The following WDPCP variants were observed in gnomAD, a reference collection of about 807,000 sequenced individuals.
The protein encoded by WDPCP is WD repeat-containing and planar cell polarity effector protein fritz homolog.
A neutral mutation model predicts 93.1 loss-of-function variants in WDPCP; 71 were observed. The observed-to-expected ratio is 0.76, with a 90% CI of 0.63 to 0.93. The LOEUF is 0.93. Among genes scored for constraint, WDPCP ranks in the 40% least tolerant of loss-of-function variants. The probability of loss-of-function intolerance (pLI) is 0.00; values close to 1 mark genes in which losing one functional copy is unlikely to be tolerated. For synonymous variants in WDPCP, 315 were observed against 315.0 expected, an observed-to-expected ratio of 1.00 and a Z score of 0.00; for missense variants, 844 against 887.4, an observed-to-expected ratio of 0.95 and a Z score of 0.62.
intron 9 of WDPCP, among the ~76,000 whole-genome samples, chr2:63,415,070 C>T (rs1412677556): frequency 6.6e-6 from 1 of 152,032 alleles, no homozygotes; most frequent in African/African-American, 2.4e-5. Context: ...TTAAAGATAC[C>T]ATAAAAGTTT....
chr2:63,713,226 A>AGTATGGAAT (rs1669288863), intron 2 of WDPCP, among the ~76,000 whole-genome samples: 1 of 152,206 alleles, frequency 6.6e-6, no homozygotes, highest in African/African-American at 2.4e-5. Flanking sequence ...TTTTAATTCC[A>AGTATGGAAT]TCACACACCT....
At chr2:63,413,254 A>G (rs1276353246) in intron 9 of WDPCP, among the ~76,000 whole-genome samples, 2 of 152,224 alleles carry the variant, frequency 1.3e-5, no homozygotes, top group Non-Finnish European at 2.9e-5. Flanking sequence ...CAAAGCATAC[A>G]AAAACATACA....
intron 13 of WDPCP, among the ~76,000 whole-genome samples, chr2:63,261,878 G>A (rs1210766307): frequency 1.3e-5 from 2 of 152,064 alleles, no homozygotes; most frequent in Non-Finnish European, 2.9e-5. Context: ...TCTCCCTAAG[G>A]AAATGATGGG....
chr2:63,226,076 A>T (rs190363657), intron 14 of WDPCP, among the ~76,000 whole-genome samples: 5 of 151,932 alleles, frequency 3.3e-5, no homozygotes, highest in Admixed American at 3.3e-4. Context: ...CTTGTTATCA[A>T]CTCATCTACC....
intron 1 of WDPCP, among the ~76,000 whole-genome samples, chr2:63,514,299 T>C (rs1702420794): frequency 6.6e-6 from 1 of 152,056 alleles, no homozygotes; most frequent in South Asian, 2.1e-4. Flanking sequence ...TCAGAACACA[T>C]TAGAAGATGG....
rs371721719 is a variant in WDPCP at position 63,145,132 on chromosome 2, G to T, written c.2190+7782C>A. ...AGCATCTATGGGTCTCTCATTCATG[G>T]ATACCAGTGCCTGTTCCAGTGGAGA... On this transcript the variant is annotated intron_variant, in intron 17 of 17. Transcript: ENST00000272321. Among the ~76,000 whole-genome samples the T allele has an allele frequency of 2.0e-4, 31 of 152,284 alleles. No homozygotes were observed. The East Asian group carries it at 3.3e-3, about 16-fold the overall frequency.
At chr2:63,298,648 T>A (rs554337057) in intron 13 of WDPCP, among the ~76,000 whole-genome samples, 1 of 152,306 alleles carries the variant, frequency 6.6e-6, no homozygotes, top group East Asian at 1.9e-4. Context: ...CAGCCACAGC[T>A]GTGAGGCCAC....
chr2:63,185,664 G>C (rs888169023), intron 14 of WDPCP, among the ~76,000 whole-genome samples: 1 of 152,216 alleles, frequency 6.6e-6, no homozygotes, highest in Non-Finnish European at 1.5e-5. Context: ...TGTGTTACCA[G>C]ATTTTGTCCT....
chr2:63,629,273 C>T (rs1223667785), intron 3 of WDPCP, among the ~76,000 whole-genome samples: 2 of 152,168 alleles, frequency 1.3e-5, no homozygotes, highest in Non-Finnish European at 2.9e-5. Context: ...ACTGTAACCC[C>T]ATCTTAGCTA....
chr2:63,218,369 A>G (rs749987163), intron 14 of WDPCP, among the ~76,000 whole-genome samples: 12 of 152,112 alleles, frequency 7.9e-5, no homozygotes, highest in Non-Finnish European at 1.5e-5. Context: ...TCAAACTAAT[A>G]TTTGTTTTCA....
At chr2:63,145,430 G>A (rs1317085168) in intron 17 of WDPCP, among the ~76,000 whole-genome samples, 1 of 152,174 alleles carries the variant, frequency 6.6e-6, no homozygotes, top group African/African-American at 2.4e-5. Flanking sequence ...AGGTCTTGCT[G>A]TGCCTGCTGT....
intron 1 of WDPCP, among the ~76,000 whole-genome samples, chr2:63,546,094 A>G (rs1192117760): frequency 2.0e-5 from 3 of 152,190 alleles, no homozygotes; most frequent in African/African-American, 7.2e-5. Flanking sequence ...ATTGTGGGAT[A>G]CTATATTCAC....
chr2:63,307,322 T>G (rs1350032571), intron 13 of WDPCP, among the ~76,000 whole-genome samples: 1 of 152,076 alleles, frequency 6.6e-6, no homozygotes, highest in Non-Finnish European at 1.5e-5. Flanking sequence ...CCAAAATAAT[T>G]TATAGACTCA....
intron 12 of WDPCP, among the ~76,000 whole-genome samples, chr2:63,333,068 TG>T (rs1385995334): frequency 1.3e-5 from 2 of 152,202 alleles, no homozygotes; most frequent in South Asian, 2.1e-4. Flanking sequence ...TTTATTTTTT[TG>T]GCCCACACAG....
chr2:63,596,630 C>T (rs1308140068), intron 3 of WDPCP, among the ~76,000 whole-genome samples: 3 of 152,124 alleles, frequency 2.0e-5, no homozygotes, highest in South Asian at 2.1e-4. Flanking sequence ...ACTGGTGTTC[C>T]TGTCTATGCC....
At chr2:63,396,282 CTT>C (rs1693715887) in intron 10 of WDPCP, among the ~76,000 whole-genome samples, 1 of 152,160 alleles carries the variant, frequency 6.6e-6, no homozygotes, top group Non-Finnish European at 1.5e-5. Flanking sequence ...GAAAATAACT[CTT>C]GAGGAAAATT....
intron 10 of WDPCP, among the ~76,000 whole-genome samples, chr2:63,390,695 TA>T (rs1384791660): frequency 6.6e-6 from 1 of 151,950 alleles, no homozygotes; most frequent in Non-Finnish European, 1.5e-5. Context: ...ATAGATGCAA[TA>T]AAAAATGATA....
chr2:63,258,300 T>C (rs1172230203), intron 14 of WDPCP, among the ~76,000 whole-genome samples: 2 of 152,208 alleles, frequency 1.3e-5, no homozygotes, highest in East Asian at 3.9e-4. Flanking sequence ...CTGGAACTCT[T>C]TCAGGATGGG....
At chr2:63,222,851 CATT>C (rs1162114888) in intron 14 of WDPCP, among the ~76,000 whole-genome samples, 2 of 151,930 alleles carry the variant, frequency 1.3e-5, no homozygotes, top group Non-Finnish European at 2.9e-5. Flanking sequence ...ATTTCATTGT[CATT>C]AATAATATGT....
Sources: gnomAD v4.1 joint callset for allele counts (sites outside exome capture counted in the v4.1 genomes callset) on GRCh38, gnomAD v4.1.1 for gene constraint, MANE v1.5 for transcripts, NCBI Gene and HGNC (gene_info 2026-07-23, HGNC 2026-07-21) for gene names.